DTNA: variants seen among roughly 807,000 people sequenced by gnomAD.
DTNA encodes the protein dystrobrevin alpha.
In DTNA, 43 loss-of-function variants were observed where a neutral mutation model predicts 100.7. That is an observed-to-expected ratio of 0.43 (90% CI 0.33 to 0.55). DTNA has a LOEUF of 0.55. DTNA is among the 20% of genes least tolerant of loss of function. The probability of loss-of-function intolerance (pLI) is 0.04; values close to 1 mark genes in which losing one functional copy is unlikely to be tolerated. For missense variants in DTNA, 798 were observed against 953.9 expected (o/e 0.84, Z 2.15); for synonymous variants, 349 against 347.9 (o/e 1.00, Z -0.04).
chr18:34,582,117 C>CAG lies in DTNA; in HGVS notation c.-2+88614_-2+88615dup, dbSNP rs551821545. 4.3e-4 allele frequency among the ~76,000 whole-genome samples: 66 copies of CAG among 152,010 alleles called. 2 individuals are homozygous for CAG. The East Asian group carries it at 6.8e-3, about 16-fold the overall frequency. On this transcript the variant is annotated intron_variant, in intron 1 of 19. Transcript: ENST00000283365. The stretch of plus-strand genomic sequence containing the variant: ...TGAAATTCTCCTAAATGTGGCTGCT[C>CAG]AGAGAGAGAGAGCACCCACACACTC...
At chr18:34,837,567 C>T (rs2149704095) in intron 11 of DTNA, among the ~76,000 whole-genome samples, 1 of 152,250 alleles carries the variant, frequency 6.6e-6, no homozygotes, top group Admixed American at 6.5e-5. Flanking sequence ...AGGTGTATTT[C>T]TCTGTTCCTC....
At chr18:34,566,943 GT>G (rs1227895030) in intron 1 of DTNA, among the ~76,000 whole-genome samples, 1 of 152,168 alleles carries the variant, frequency 6.6e-6, no homozygotes, top group East Asian at 1.9e-4. Context: ...GTGCATTTAG[GT>G]TTTTTAAGGT....
intron 1 of DTNA, among the ~76,000 whole-genome samples, chr18:34,587,495 A>G (rs1191535313): frequency 6.7e-6 from 1 of 148,426 alleles, no homozygotes; most frequent in African/African-American, 2.6e-5. Context: ...TTGAAAAATA[A>G]CTATGTTATC....
At chr18:34,867,062 C>A in intron 17 of DTNA, 1 of 1,229,382 alleles carries the variant, frequency 8.1e-7, no homozygotes, top group Non-Finnish European at 1.0e-6. Context: ...AGTGCATGTA[C>A]CACGCTATGT....
At chr18:34,511,458 T>C (rs2041084718) in intron 1 of DTNA, among the ~76,000 whole-genome samples, 1 of 152,072 alleles carries the variant, frequency 6.6e-6, no homozygotes, top group Non-Finnish European at 1.5e-5. Context: ...ATTCCTGGGC[T>C]CTATGACTTA....
chr18:34,820,284 C>T (rs1255742557), intron 8 of DTNA, among the ~76,000 whole-genome samples: 3 of 152,122 alleles, frequency 2.0e-5, no homozygotes, highest in African/African-American at 7.2e-5. Flanking sequence ...TCCTCACAAA[C>T]CATTTTCTGT....
At chr18:34,682,506 T>C (rs2078273571) in intron 1 of DTNA, among the ~76,000 whole-genome samples, 1 of 152,214 alleles carries the variant, frequency 6.6e-6, no homozygotes, top group African/African-American at 2.4e-5. Flanking sequence ...CAAATAAGTG[T>C]CCTGTTGCTC....
rs147422101 is a variant in DTNA, at chr18:34,698,053, A to G, written c.-1-57923A>G. ...CACACAATGCGTCATCTGCTTTTCA[A>G]TGCTCCTGCTGATGGCCAGCTGCAC... is the stretch of plus-strand genomic sequence containing the variant. On this transcript the variant is annotated intron_variant, in intron 1 of 19. Coordinates refer to the DTNA transcript ENST00000283365. Among the ~76,000 whole-genome samples the G allele has an allele frequency of 3.0e-3, 450 of 152,212 alleles. 3 individuals are homozygous for G. The highest frequency in any genetic ancestry group is 0.01 in the African/African-American group (422 of 41,524).
intron 1 of DTNA, among the ~76,000 whole-genome samples, chr18:34,553,846 C>T (rs1376292586): frequency 1.3e-5 from 2 of 151,936 alleles, no homozygotes; most frequent in African/African-American, 4.8e-5. Flanking sequence ...CTTAGGATTG[C>T]CTTGGTGATG....
intron 1 of DTNA, among the ~76,000 whole-genome samples, chr18:34,575,071 A>G (rs1481076682): frequency 6.6e-6 from 1 of 152,258 alleles, no homozygotes. Flanking sequence ...CCTCAGAGGC[A>G]TAGCTGATAT....
chr18:34,612,658 A>G (rs1308479405), intron 1 of DTNA, among the ~76,000 whole-genome samples: 1 of 152,198 alleles, frequency 6.6e-6, no homozygotes, highest in Non-Finnish European at 1.5e-5. Context: ...ATAAACAAAG[A>G]AAGATTGTTG....
chr18:34,533,623 T>A (rs2043380086), intron 1 of DTNA, among the ~76,000 whole-genome samples: 1 of 152,124 alleles, frequency 6.6e-6, no homozygotes, highest in South Asian at 2.1e-4. Flanking sequence ...TTGCAGCGCA[T>A]GTTTTCTGAA....
intron 1 of DTNA, among the ~76,000 whole-genome samples, chr18:34,576,695 G>A (rs1010798785): frequency 6.6e-6 from 1 of 152,074 alleles, no homozygotes; most frequent in African/African-American, 2.4e-5. Context: ...CCAACCTCAG[G>A]TGATCTGCCT....
At chr18:34,509,878 C>T (rs116992713) in intron 1 of DTNA, among the ~76,000 whole-genome samples, 4,572 of 151,940 alleles carry the variant, frequency 0.03, 98 homozygotes, top group Non-Finnish European at 0.043. Flanking sequence ...GAGAGTTGTC[C>T]CATGGTTATA....
At chr18:34,694,070 T>C (rs1229900442) in intron 1 of DTNA, among the ~76,000 whole-genome samples, 2 of 151,622 alleles carry the variant, frequency 1.3e-5, no homozygotes, top group South Asian at 4.2e-4. Context: ...TTTTTTAAAA[T>C]CTCAGTACAT....
chr18:34,556,465 T>A (rs2046061117), intron 1 of DTNA, among the ~76,000 whole-genome samples: 1 of 151,618 alleles, frequency 6.6e-6, no homozygotes, highest in Non-Finnish European at 1.5e-5. Flanking sequence ...CTTCCTAGTC[T>A]CGATGGTCTT....
At chr18:34,535,241 C>T (rs1217646306) in intron 1 of DTNA, among the ~76,000 whole-genome samples, 1 of 152,060 alleles carries the variant, frequency 6.6e-6, no homozygotes, top group Non-Finnish European at 1.5e-5. Context: ...CTCTAATGAC[C>T]AGTGATGATG....
chr18:34,734,147 CTAGAAGCAAACAGAGGTA>C (rs2088997359), intron 1 of DTNA, among the ~76,000 whole-genome samples: 1 of 152,138 alleles, frequency 6.6e-6, no homozygotes, highest in African/African-American at 2.4e-5. Context: ...AGTTATAGGT[CTAGAAGCAAACAGAGGTA>C]TTGAGGGTGG....
intron 1 of DTNA, among the ~76,000 whole-genome samples, chr18:34,690,441 G>A (rs569841361): frequency 5.3e-5 from 8 of 152,252 alleles, no homozygotes; most frequent in East Asian, 1.9e-4. Context: ...ACCCTGCTTC[G>A]GCTGGCCCTC....
Sources: allele counts gnomAD v4.1 joint callset (sites outside exome capture counted in the v4.1 genomes callset), GRCh38; gene constraint gnomAD v4.1.1; transcripts MANE v1.5; gene names NCBI Gene and HGNC (gene_info 2026-07-23, HGNC 2026-07-21).